Variants in PPP6R3 observed in about 807,000 individuals in gnomAD.
PPP6R3 encodes serine/threonine-protein phosphatase 6 regulatory subunit 3.
In PPP6R3, 38 loss-of-function variants were observed where a neutral mutation model predicts 110.7. The ratio of observed to expected loss-of-function variants is 0.34; its 90% CI spans 0.26 to 0.45. PPP6R3 has a LOEUF of 0.45. PPP6R3 is among the 20% of genes least tolerant of loss of function. PPP6R3 has a pLI of 1.00. For missense variants in PPP6R3, 870 were observed against 1,062.4 expected (o/e 0.82, Z 2.52); for synonymous variants, 369 against 373.5 (o/e 0.99, Z 0.14).
At chr11:68,519,755 C>T (rs2099154323) in intron 2 of PPP6R3, 104 bp downstream of exon 2, 1 of 395,024 alleles carries the variant, frequency 2.5e-6, no homozygotes, top group Non-Finnish European at 4.5e-6. Flanking sequence ...AGGTGGAGAC[C>T]AGTCTCTCTG....
At chr11:68,588,522 A>G (rs1317784257) in intron 16 of PPP6R3, among the ~76,000 whole-genome samples, 3 of 151,752 alleles carry the variant, frequency 2.0e-5, no homozygotes, top group Admixed American at 1.3e-4. Flanking sequence ...CAGTGGCGCT[A>G]TCTTGGCTCA....
chr11:68,525,113 T>A (rs1224714485), intron 2 of PPP6R3, among the ~76,000 whole-genome samples: 2 of 152,230 alleles, frequency 1.3e-5, no homozygotes, highest in Non-Finnish European at 2.9e-5. Context: ...GTCCCATTTC[T>A]GCTAGCATGT....
At chr11:68,471,045 G>A (rs1472261450) in intron 1 of PPP6R3, among the ~76,000 whole-genome samples, 1 of 151,978 alleles carries the variant, frequency 6.6e-6, no homozygotes, top group African/African-American at 2.4e-5. Flanking sequence ...CACTTTGGGA[G>A]GCTGAGACGG....
chr11:68,564,748 G>A (rs915274878), intron 9 of PPP6R3, among the ~76,000 whole-genome samples: 2 of 152,204 alleles, frequency 1.3e-5, no homozygotes, highest in Admixed American at 1.3e-4. Flanking sequence ...TAATCTTTCA[G>A]AAACGGATCT....
chr11:68,493,969 G>T (rs937366376), intron 1 of PPP6R3, among the ~76,000 whole-genome samples: 1 of 151,526 alleles, frequency 6.6e-6, no homozygotes, highest in Non-Finnish European at 1.5e-5. Flanking sequence ...TGGGCGTGGT[G>T]GCGGGAGCCT....
chr11:68,546,419 A>G (rs370730915), intron 4 of PPP6R3, among the ~76,000 whole-genome samples: 26 of 152,188 alleles, frequency 1.7e-4, no homozygotes, highest in African/African-American at 6.0e-4. Context: ...TTCAGTGTAC[A>G]CATAAAGAGA....
rs2099444730 is a variant in PPP6R3 at position 68,564,152 on chromosome 11, C to T, written c.846-151C>T. 2.4e-5 allele frequency: 18 copies of T among 745,844 alleles called. No individual in the cohort carries two copies. In the South Asian group the frequency reaches 3.4e-4, roughly 14 times the overall value. The allele number at this position is 745,844 out of a possible 1,614,324, so 46.2% of individuals were successfully genotyped here. A position where few individuals can be genotyped will look rare whatever the true frequency, so the allele number is the denominator to read the frequency against. On this transcript the variant is annotated intron_variant, in intron 8 of 23. Coordinates refer to ENST00000393800, the MANE Select transcript of PPP6R3 (RefSeq NM_001164161.2). ...CTGAGCCTCATGGAGGTTTCATTAA[C>T]CCTCTTCTGCCTCATTATGCTTTTT...
intron 6 of PPP6R3, 68 bp downstream of exon 6, chr11:68,551,254 G>A: frequency 1.7e-6 from 2 of 1,167,272 alleles, no homozygotes; most frequent in Middle Eastern, 1.9e-4. Context: ...ATTGGGCACA[G>A]AGCATACTTA....
intron 1 of PPP6R3, among the ~76,000 whole-genome samples, chr11:68,503,370 C>G (rs912685810): frequency 6.6e-6 from 1 of 152,196 alleles, no homozygotes; most frequent in Non-Finnish European, 1.5e-5. Context: ...GAATTTACTT[C>G]GAGCAAATGT....
Position 68,613,582 on chromosome 11 carries a change from G to GAGTT in PPP6R3, c.*466_*469dup. The stretch of plus-strand genomic sequence containing the variant: ...TTCATTTTTCCTCCAGGCCGACAAG[G>GAGTT]AGTTGTAGAATGAAAATGCCCTCTA... On this transcript the variant is annotated 3_prime_UTR_variant, in exon 24 of 24. Transcript: ENST00000393800. 2.0e-6 allele frequency: 2 copies of GAGTT among 986,000 alleles called. No homozygotes were observed. Among genetic ancestry groups the GAGTT allele is most frequent in the Non-Finnish European group, 2.4e-6 (2 of 830,130 alleles). The allele number at this position is 986,000 out of a possible 1,614,324, so 61.1% of individuals were successfully genotyped here. A position where few individuals can be genotyped will look rare whatever the true frequency, so the allele number is the denominator to read the frequency against.
intron 3 of PPP6R3, among the ~76,000 whole-genome samples, chr11:68,542,396 T>TTTTGTTTTTTTTG (rs1172677244): frequency 2.7e-5 from 3 of 110,666 alleles, no homozygotes; most frequent in African/African-American, 1.1e-4. Flanking sequence ...GCTGTTTTTT[T>TTTTGTTTTTTTTG]TTTTTTTTTT....
intron 4 of PPP6R3, among the ~76,000 whole-genome samples, 195 bp downstream of exon 4, chr11:68,545,219 C>T (rs75417295): frequency 0.061 from 9,237 of 152,262 alleles, 971 homozygotes; most frequent in African/African-American, 0.21. Context: ...ATGGCATAAT[C>T]TCAAATTTCA....
chr11:68,461,904 G>A (rs2098710602), intron 1 of PPP6R3, among the ~76,000 whole-genome samples: 1 of 152,192 alleles, frequency 6.6e-6, no homozygotes, highest in Non-Finnish European at 1.5e-5. Context: ...TCCAACCACC[G>A]AACTGTGCCT....
chr11:68,513,105 A>G (rs1167032853), intron 1 of PPP6R3, among the ~76,000 whole-genome samples: 1 of 151,928 alleles, frequency 6.6e-6, no homozygotes, highest in East Asian at 1.9e-4. Context: ...TGAGTTAGAG[A>G]CCACTGGCGT....
At chr11:68,574,005 C>T (rs1159857090) in intron 12 of PPP6R3, 104 bp from the exon 13 acceptor site, 4 of 776,870 alleles carry the variant, frequency 5.1e-6, no homozygotes, top group South Asian at 1.7e-5. Context: ...TCTTCAGTGC[C>T]TTCAGGGTTT....
intron 8 of PPP6R3, 94 bp downstream of exon 8, chr11:68,558,773 C>T: frequency 1.1e-6 from 1 of 879,526 alleles, no homozygotes; most frequent in South Asian, 1.5e-5. Flanking sequence ...AATAGCGTAC[C>T]TTTGAATTGC....
intron 2 of PPP6R3, among the ~76,000 whole-genome samples, chr11:68,534,241 T>C (rs1469079316): frequency 6.6e-6 from 1 of 152,130 alleles, no homozygotes; most frequent in Non-Finnish European, 1.5e-5. Context: ...GAAAGCAAAG[T>C]GGGTGTTAAT....
chr11:68,614,915 A>G lies in PPP6R3; in HGVS notation c.*1798A>G. 2.7e-6 allele frequency: 2 copies of G among 733,772 alleles called. No individual in the cohort carries two copies. The highest frequency in any genetic ancestry group is 4.7e-6 in the Non-Finnish European group (2 of 428,016). The allele number at this position is 733,772 out of a possible 1,614,324, so 45.5% of individuals were successfully genotyped here. A position where few individuals can be genotyped will look rare whatever the true frequency, so the allele number is the denominator to read the frequency against. The stretch of plus-strand genomic sequence containing the variant: ...GTCTCGCCTGGTGGTGAGTTTTGCC[A>G]GCCATGGCCAGGGTTTGGCTCCACT... On this transcript the variant is annotated 3_prime_UTR_variant, in exon 24 of 24. Transcript: ENST00000393800.
At position 68,592,226 on chromosome 11, in the gene PPP6R3, A is replaced by G. The variant is rs2099597628; in HGVS notation, c.1916+520A>G. ...CTTCTGTACACAGACAAATCTTGTT[A>G]TATGAGCATTCATTGTCAGAATCTT... On this transcript the variant is annotated intron_variant, in intron 18 of 23. Coordinates refer to ENST00000393800, the MANE Select transcript of PPP6R3 (RefSeq NM_001164161.2). 2.0e-5 allele frequency among the ~76,000 whole-genome samples: 3 copies of G among 148,268 alleles called. No homozygotes were observed. The South Asian group carries it at 6.2e-4, about 31-fold the overall frequency.
Sources: gnomAD v4.1 joint callset for allele counts (sites outside exome capture counted in the v4.1 genomes callset) on GRCh38, gnomAD v4.1.1 for gene constraint, MANE v1.5 for transcripts, NCBI Gene and HGNC (gene_info 2026-07-23, HGNC 2026-07-21) for gene names.